Variants in PIGB observed in about 807,000 individuals in gnomAD.
The protein encoded by PIGB is phosphatidylinositol glycan anchor biosynthesis class B, also known as GPI alpha-1,2-mannosyltransferase 3.
A neutral mutation model predicts 68.4 loss-of-function variants in PIGB; 58 were observed. The ratio of observed to expected loss-of-function variants is 0.85; its 90% CI spans 0.69 to 1.06. PIGB has a LOEUF of 1.06. Among genes scored for constraint, PIGB ranks in the 50% least tolerant of loss-of-function variants. The probability of loss-of-function intolerance (pLI) is 0.00; values close to 1 mark genes in which losing one functional copy is unlikely to be tolerated. For missense variants in PIGB, 634 were observed against 655.8 expected (o/e 0.97, Z 0.36); for synonymous variants, 219 against 220.5 (o/e 0.99, Z 0.06).
rs781416022 is a variant in PIGB at position 55,329,860 on chromosome 15, A to G, written c.653+6A>G. ...GGTTCAAAGTCTATGAACAGGTAAG[A>G]AAAATTATTGTTAATAATTATGTTC... On this transcript the variant is annotated splice_donor_region_variant and intron_variant, in intron 5 of 11. Transcript: ENST00000164305. 5.2e-6 allele frequency: 8 copies of G among 1,540,646 alleles called. No individual in the cohort carries two copies. Among genetic ancestry groups the G allele is most frequent in the Admixed American group, 1.9e-5 (1 of 51,918 alleles).
At chr15:55,322,660 A>G (rs1290384850) in intron 3 of PIGB, among the ~76,000 whole-genome samples, 2 of 151,784 alleles carry the variant, frequency 1.3e-5, no homozygotes, top group African/African-American at 4.8e-5. Flanking sequence ...GTGGGGTTGT[A>G]CTCTCCCCAT....
chr15:55,340,153 C>T (rs1185355259), intron 7 of PIGB: 2 of 152,274 alleles, frequency 1.3e-5, no homozygotes, highest in African/African-American at 4.8e-5. Context: ...GGATTTCATA[C>T]AGTCATTAAT....
At chr15:55,347,455 C>T (rs2055821063) in intron 9 of PIGB, among the ~76,000 whole-genome samples, 1 of 152,164 alleles carries the variant, frequency 6.6e-6, no homozygotes, top group African/African-American at 2.4e-5. Flanking sequence ...AAAGACAGTT[C>T]TATTTTAAAT....
chr15:55,355,059 A>T, intron 11 of PIGB, 81 bp downstream of exon 11: 1 of 1,192,364 alleles, frequency 8.4e-7, no homozygotes, highest in Non-Finnish European at 1.2e-6. Context: ...AATAGATAAT[A>T]TAACCTTTTT....
chr15:55,343,959 G>A (rs568073863), intron 9 of PIGB, among the ~76,000 whole-genome samples: 1 of 152,116 alleles, frequency 6.6e-6, no homozygotes, highest in Non-Finnish European at 1.5e-5. Context: ...TGGACATTTA[G>A]AACAGTTCTC....
intron 10 of PIGB, among the ~76,000 whole-genome samples, chr15:55,354,085 G>A (rs2056004379): frequency 6.6e-6 from 1 of 151,614 alleles, no homozygotes; most frequent in Non-Finnish European, 1.5e-5. Context: ...GCTGAGGCGG[G>A]TGGATCACCT....
chr15:55,332,345 A>G (rs766513258), intron 5 of PIGB, among the ~76,000 whole-genome samples: 12 of 150,578 alleles, frequency 8.0e-5, no homozygotes, highest in Non-Finnish European at 1.8e-4. Context: ...TTACATCCTC[A>G]TCAACATTAC....
intron 10 of PIGB, among the ~76,000 whole-genome samples, chr15:55,354,353 A>G (rs2056017503): frequency 6.6e-6 from 1 of 152,044 alleles, no homozygotes; most frequent in Non-Finnish European, 1.5e-5. Flanking sequence ...TCCATCCCCT[A>G]TCAGAGCAGA....
intron 3 of PIGB, 143 bp from the exon 4 acceptor site, chr15:55,327,388 G>T: frequency 1.7e-6 from 1 of 593,680 alleles, no homozygotes; most frequent in South Asian, 2.1e-5. Flanking sequence ...TAGTTTTGTG[G>T]AAGAATAGAA....
Position 55,341,772 on chromosome 15 carries a change from C to T in PIGB, c.1093C>T (p.Pro365Ser). The T allele has an allele frequency of 6.8e-7, 1 of 1,461,046 alleles. No homozygotes were observed. The highest frequency in any genetic ancestry group is 9.1e-7 in the Non-Finnish European group (1 of 1,093,358). The allele number at this position is 1,461,046 out of a possible 1,614,324, so 90.5% of individuals were successfully genotyped here. Residue 365 changes from proline to serine, a missense_variant, in exon 9 of 12, where the codon CCA (proline) becomes TCA (serine). Physicochemically the swap from Pro to Ser is moderately conservative, Grantham distance 74. Transcript: ENST00000164305. Reference sequence around the variant, plus strand: ...CCACAAAGAATTCAGGTTTATTTATCCAGTTTTACCATTCTGTATGGTGTT... The same window carrying T: ...CCACAAAGAATTCAGGTTTATTTATTCAGTTTTACCATTCTGTATGGTGTT... The part of the protein sequence containing the change: ...LSHKEFRFIY[P>S]VLPFCMVFCG...
At chr15:55,339,468 G>A (rs981014708) in intron 7 of PIGB, 150 bp downstream of exon 7, 9 of 593,494 alleles carry the variant, frequency 1.5e-5, no homozygotes, top group African/African-American at 7.6e-5. Context: ...AATTTGTTGT[G>A]CTTTCTACAT....
chr15:55,325,897 C>T (rs2055271925), intron 3 of PIGB, among the ~76,000 whole-genome samples: 1 of 151,844 alleles, frequency 6.6e-6, no homozygotes. Context: ...GCTTGGGCGA[C>T]AGAGCAAGAC....
At chr15:55,321,814 G>C (rs1037275700) in intron 3 of PIGB, among the ~76,000 whole-genome samples, 2 of 148,608 alleles carry the variant, frequency 1.3e-5, no homozygotes, top group Admixed American at 1.3e-4. Context: ...CACCATGCCC[G>C]GCTAATTTTG....
intron 6 of PIGB, among the ~76,000 whole-genome samples, chr15:55,336,670 T>C (rs569950357): frequency 8.6e-4 from 131 of 152,350 alleles, no homozygotes; most frequent in Admixed American, 1.5e-3. Context: ...CAGTTAGGGA[T>C]TGTAATTCTT....
chr15:55,327,265 G>A (rs2055314155), intron 3 of PIGB, among the ~76,000 whole-genome samples: 1 of 147,430 alleles, frequency 6.8e-6, no homozygotes, highest in African/African-American at 2.5e-5. Flanking sequence ...TAACATATGT[G>A]TATATATGTC....
At position 55,319,385 on chromosome 15, in the gene PIGB, C is replaced by T. The variant is rs1288055477; in HGVS notation, c.135C>T (p.Thr45=). Residue 45 remains threonine, a synonymous_variant, in exon 1 of 12, where the codon ACC becomes ACT. Coordinates refer to ENST00000164305, the MANE Select transcript of PIGB (RefSeq NM_004855.5). ...RKRKSTLYFN[T]QEKSARRRGD... The stretch of plus-strand genomic sequence containing the variant: ...GAAAGTCTACCTTGTACTTCAACAC[C>T]CAGGAGAAGAGCGCCAGGCGCCGCG... The T allele has an allele frequency of 3.2e-6, 5 of 1,552,974 alleles. No homozygotes were observed. In the African/African-American group the frequency reaches 6.8e-5, roughly 21 times the overall value.
chr15:55,321,255 A>T lies in PIGB; in HGVS notation c.300-18A>T. 3 of 1,557,104 alleles carry T rather than the reference A, an allele frequency of 1.9e-6. No individual in the cohort carries two copies. Among genetic ancestry groups the T allele is most frequent in the Non-Finnish European group, 2.6e-6 (3 of 1,155,334 alleles). On this transcript the variant is annotated intron_variant, in intron 2 of 11. Coordinates refer to ENST00000164305, the MANE Select transcript of PIGB (RefSeq NM_004855.5). Reference sequence around the variant, plus strand: ...TAGGTTTCAATATTATTGGACATTTACTCCTTAATGTTACTAATTATGGTT... The same window carrying T: ...TAGGTTTCAATATTATTGGACATTTTCTCCTTAATGTTACTAATTATGGTT...
At chr15:55,353,998 T>TAAAAATAAAAAAAAATAAA (rs112479438) in intron 10 of PIGB, among the ~76,000 whole-genome samples, 42 of 112,034 alleles carry the variant, frequency 3.7e-4, no homozygotes, top group African/African-American at 1.6e-3. Context: ...TCATCTTAAA[T>TAAAAATAAAAAAAAATAAA]AAAAAAAAAA....
At chr15:55,352,079 G>A (rs1396500544) in intron 10 of PIGB, among the ~76,000 whole-genome samples, 2 of 151,096 alleles carry the variant, frequency 1.3e-5, no homozygotes, top group South Asian at 2.1e-4. Context: ...CTCCTGAGTA[G>A]CTAAGATTAC....
Sources: allele counts gnomAD v4.1 joint callset (sites outside exome capture counted in the v4.1 genomes callset), GRCh38; gene constraint gnomAD v4.1.1; transcripts MANE v1.5; gene names NCBI Gene and HGNC (gene_info 2026-07-23, HGNC 2026-07-21).